LRRK2: variants seen among roughly 807,000 people sequenced by gnomAD.
The protein encoded by LRRK2 is leucine-rich repeat serine/threonine-protein kinase 2.
LRRK2 carries 203 observed loss-of-function variants against 302.6 expected under a neutral mutation model. That is an observed-to-expected ratio of 0.67 (90% CI 0.60 to 0.75). LRRK2 has a LOEUF of 0.75. LRRK2 is among the 30% of genes least tolerant of loss of function. The pLI, the probability that LRRK2 is intolerant of heterozygous loss-of-function variation, is 0.00. For synonymous variants in LRRK2, 1,066 were observed against 1,031.9 expected (o/e 1.03, Z -0.63); for missense variants, 2,830 against 2,951.0 (o/e 0.96, Z 0.95).
chr12:40,288,547 T>C (rs1258827725), intron 20 of LRRK2, among the ~76,000 whole-genome samples: 1 of 151,906 alleles, frequency 6.6e-6, no homozygotes, highest in Non-Finnish European at 1.5e-5. Context: ...ATGATTGTAC[T>C]ATGTTCTACC....
intron 11 of LRRK2, among the ~76,000 whole-genome samples, chr12:40,256,268 G>C (rs1261839074): frequency 6.6e-6 from 1 of 152,124 alleles, no homozygotes; most frequent in Non-Finnish European, 1.5e-5. Flanking sequence ...GCAACATAGT[G>C]AGATCCCCTC....
chr12:40,287,624 A>G (rs988372840), intron 20 of LRRK2, 85 bp downstream of exon 20: 2 of 1,352,526 alleles, frequency 1.5e-6, no homozygotes, highest in African/African-American at 2.9e-5. Flanking sequence ...AACCTGACCT[A>G]AATCATCTGG....
intron 18 of LRRK2, among the ~76,000 whole-genome samples, chr12:40,278,560 C>T (rs1178048599): frequency 1.3e-5 from 2 of 152,180 alleles, no homozygotes; most frequent in African/African-American, 4.8e-5. Context: ...CAGATACACT[C>T]CACATAACAC....
At chr12:40,367,265 T>C (rs1946907060) in intron 50 of LRRK2, 188 bp downstream of exon 50, 2 of 553,786 alleles carry the variant, frequency 3.6e-6, no homozygotes, top group Admixed American at 7.1e-5. Flanking sequence ...GTGTTAAATA[T>C]TTATATTTTC....
intron 41 of LRRK2, 33 bp downstream of exon 41, chr12:40,340,487 T>C: frequency 6.2e-7 from 1 of 1,610,610 alleles, no homozygotes; most frequent in African/African-American, 1.3e-5. Flanking sequence ...TAATTCTATC[T>C]TCAGGATGGA....
intron 46 of LRRK2, among the ~76,000 whole-genome samples, chr12:40,357,204 C>T (rs549710467): frequency 2.0e-5 from 3 of 152,280 alleles, no homozygotes; most frequent in African/African-American, 7.2e-5. Flanking sequence ...TCTTTCTGTG[C>T]TTGGCTTATT....
chr12:40,234,429 C>CGT (rs985973362), intron 3 of LRRK2, among the ~76,000 whole-genome samples: 3 of 117,824 alleles, frequency 2.5e-5, no homozygotes, highest in African/African-American at 1.0e-4. Flanking sequence ...GCCAGGCTGG[C>CGT]GTGCAGTGGC....
At chr12:40,311,962 G>A (rs1945050015) in intron 31 of LRRK2, among the ~76,000 whole-genome samples, 1 of 101,730 alleles carries the variant, frequency 9.8e-6, no homozygotes, top group Non-Finnish European at 2.1e-5. Flanking sequence ...CTTAATCCAG[G>A]TGTTTTTTTT....
At chr12:40,317,003 A>G (rs996690442) in intron 33 of LRRK2, among the ~76,000 whole-genome samples, 9 of 152,030 alleles carry the variant, frequency 5.9e-5, no homozygotes, top group African/African-American at 1.7e-4. Flanking sequence ...ACATGTGAAC[A>G]TTAGGATGGG....
At chr12:40,335,365 T>C (rs912723162) in intron 40 of LRRK2, among the ~76,000 whole-genome samples, 20 of 152,184 alleles carry the variant, frequency 1.3e-4, no homozygotes, top group African/African-American at 4.8e-4. Flanking sequence ...CAAGTAGTAA[T>C]AGACTTTGAA....
intron 42 of LRRK2, among the ~76,000 whole-genome samples, chr12:40,348,205 A>C (rs1053547608): frequency 2.0e-5 from 3 of 151,826 alleles, no homozygotes; most frequent in East Asian, 3.9e-4. Flanking sequence ...TTATTCCATA[A>C]AAAAAAAATC....
intron 13 of LRRK2, among the ~76,000 whole-genome samples, chr12:40,261,623 G>T (rs1024008298): frequency 6.6e-6 from 1 of 152,028 alleles, no homozygotes; most frequent in African/African-American, 2.4e-5. Flanking sequence ...GTACCATGCC[G>T]TGCAGTACCG....
chr12:40,309,734 G>T (rs1209781752), intron 30 of LRRK2, among the ~76,000 whole-genome samples: 9 of 152,036 alleles, frequency 5.9e-5, no homozygotes, highest in Non-Finnish European at 1.2e-4. Flanking sequence ...CTTGTTGTCA[G>T]CTATTCCTTC....
At chr12:40,348,385 G>A (rs775746571) in intron 42 of LRRK2, 24 bp from the exon 43 acceptor site, 1 of 1,478,532 alleles carries the variant, frequency 6.8e-7, no homozygotes, top group South Asian at 1.1e-5. Context: ...TAGTATGCTA[G>A]CATGATGTTT....
At chr12:40,299,279 C>A (rs199979399) in intron 25 of LRRK2, 22 bp downstream of exon 25, 1 of 1,612,252 alleles carries the variant, frequency 6.2e-7, no homozygotes, top group Non-Finnish European at 8.5e-7. Context: ...GTGTGGGTCT[C>A]CTCCTTACCA....
Position 40,259,591 on chromosome 12 carries a change from T to C in LRRK2, c.1530T>C (p.His510=), listed in dbSNP as rs763484087. ...VQLEALRAIL[H]FIVPGMPEES... ...TGGAGGCGCTTCGAGCTATTTTACA[T>C]TTTATAGTGCCTGGTAAGTTACATA... Residue 510 remains histidine, a synonymous_variant, in exon 13 of 51, where the codon CAT becomes CAC. Transcript: ENST00000298910. 3.7e-6 allele frequency: 6 copies of C among 1,613,014 alleles called. No homozygotes were observed. The highest frequency in any genetic ancestry group is 3.4e-6 in the Non-Finnish European group (4 of 1,179,288).
chr12:40,300,900 G>C (rs1440962317), intron 25 of LRRK2: 1 of 471,058 alleles, frequency 2.1e-6, no homozygotes, highest in Admixed American at 2.3e-5. Flanking sequence ...ATTTAAGTTG[G>C]GTCTGGAAAG....
rs1371472185 is a variant in LRRK2, at chr12:40,295,492, G to A, written c.2944G>A (p.Glu982Lys). The change falls in exon 23 of 51, where the codon GAA (glutamate) becomes AAA (lysine). Residue 982 changes from glutamate to lysine, a missense_variant. This residue lies in a region of LRRK2 where 2,121 missense variants were observed against 2,148.0 expected (regional missense o/e 0.99). Transcript: ENST00000298910. ...DSISSLASEREYITSLDLSAN... is the reference protein window; with the variant it reads ...DSISSLASERKYITSLDLSAN... ...CATTTCTTCTCTGGCTTCTGAGAGA[G>A]AATATATTACATCACTAGACCTTTC... 2.5e-6 allele frequency: 4 copies of A among 1,613,840 alleles called. No individual in the cohort carries two copies. Among genetic ancestry groups the A allele is most frequent in the South Asian group, 1.1e-5 (1 of 91,082 alleles).
At chr12:40,308,773 T>G in intron 29 of LRRK2, 77 bp downstream of exon 29, 1 of 1,332,746 alleles carries the variant, frequency 7.5e-7, no homozygotes, top group Non-Finnish European at 1.1e-6. Flanking sequence ...GAGCTTTCTG[T>G]TCTAATATCC....
Sources: allele counts gnomAD v4.1 joint callset (sites outside exome capture counted in the v4.1 genomes callset), GRCh38; gene constraint gnomAD v4.1.1; regional missense constraint gnomAD v4.1.1; transcripts MANE v1.5; gene names NCBI Gene and HGNC (gene_info 2026-07-23, HGNC 2026-07-21).